Variants in DPY19L3 observed in about 807,000 individuals in gnomAD.
The protein encoded by DPY19L3 is dpy-19 like C-mannosyltransferase 3, also known as protein C-mannosyl-transferase DPY19L3.
A neutral mutation model predicts 92.3 loss-of-function variants in DPY19L3; 51 were observed. That is an observed-to-expected ratio of 0.55 (90% CI 0.44 to 0.70). The LOEUF is 0.70. DPY19L3 is among the 30% of genes least tolerant of loss of function. DPY19L3 has a pLI of 0.00. For synonymous variants in DPY19L3, 309 were observed against 315.2 expected (o/e 0.98, Z 0.21); for missense variants, 706 against 855.9 (o/e 0.82, Z 2.18).
intron 15 of DPY19L3, among the ~76,000 whole-genome samples, chr19:32,467,302 TATTC>T (rs1202337182): frequency 2.6e-5 from 4 of 152,218 alleles, no homozygotes; most frequent in East Asian, 3.8e-4. Context: ...AAATATCTAA[TATTC>T]ATTGAGTTCA....
rs566295429 is a variant in DPY19L3 at position 32,467,543 on chromosome 19, A to G, written c.1615-1188A>G. ...CTGATTCACCCACCCAGGAGACAAG[A>G]TTTGAATGAGCAGTAAAAATGGCCA... On this transcript the variant is annotated intron_variant, in intron 15 of 18. Transcript: ENST00000392250. The G allele has an allele frequency of 4.1e-6, 4 of 987,638 alleles. No individual in the cohort carries two copies. The African/African-American group carries it at 7.0e-5, about 17-fold the overall frequency. The allele number at this position is 987,638 out of a possible 1,614,324, so 61.2% of individuals were successfully genotyped here.
chr19:32,468,888 G>A (rs1970272581), intron 16 of DPY19L3, 75 bp downstream of exon 16: 1 of 1,424,160 alleles, frequency 7.0e-7, no homozygotes, highest in South Asian at 1.4e-5. Flanking sequence ...TTCGTTTTGG[G>A]GGTTTTTTGT....
chr19:32,425,763 G>A (rs1968740381), intron 3 of DPY19L3, among the ~76,000 whole-genome samples: 1 of 152,006 alleles, frequency 6.6e-6, no homozygotes, highest in Middle Eastern at 3.2e-3. Context: ...GTCAACACAT[G>A]GGCTGTCATC....
intron 9 of DPY19L3, among the ~76,000 whole-genome samples, chr19:32,454,119 T>G (rs1296412857): frequency 1.3e-5 from 2 of 152,332 alleles, no homozygotes; most frequent in Non-Finnish European, 2.9e-5. Flanking sequence ...TTACTCGTAT[T>G]TGAACTGTTA....
intron 17 of DPY19L3, 46 bp downstream of exon 17, chr19:32,477,700 G>A (rs774713760): frequency 6.2e-7 from 1 of 1,610,454 alleles, no homozygotes; most frequent in East Asian, 2.2e-5. Flanking sequence ...GGCCAGCTAT[G>A]GGCTGCGTGT....
At chr19:32,455,312 G>A (rs549612002) in intron 10 of DPY19L3, among the ~76,000 whole-genome samples, 4 of 152,018 alleles carry the variant, frequency 2.6e-5, no homozygotes, top group South Asian at 2.1e-4. Context: ...GTGTATTAAC[G>A]TGACTCAAGA....
At chr19:32,464,649 CA>C in intron 14 of DPY19L3, 78 bp from the exon 15 acceptor site, 1 of 876,696 alleles carries the variant, frequency 1.1e-6, no homozygotes, top group Non-Finnish European at 1.7e-6. Flanking sequence ...CCAGCCTAGG[CA>C]AACATAGCAA....
At chr19:32,464,819 T>C (rs1171926872) in intron 15 of DPY19L3, 35 bp downstream of exon 15, 1 of 1,372,638 alleles carries the variant, frequency 7.3e-7, no homozygotes, top group Non-Finnish European at 9.9e-7. Context: ...GTCATTCATG[T>C]ATTTAGCAGA....
At chr19:32,417,405 C>T (rs755794893) in intron 3 of DPY19L3, among the ~76,000 whole-genome samples, 8 of 152,194 alleles carry the variant, frequency 5.3e-5, no homozygotes, top group Non-Finnish European at 1.0e-4. Flanking sequence ...CTGCAGCCTC[C>T]GCCTCCTGAG....
chr19:32,463,081 A>AG (rs756773874), intron 12 of DPY19L3, among the ~76,000 whole-genome samples: 2 of 96,586 alleles, frequency 2.1e-5, no homozygotes, highest in African/African-American at 7.0e-5. Context: ...AAAAAATTTG[A>AG]GTTTTTTTTT....
intron 8 of DPY19L3, among the ~76,000 whole-genome samples, chr19:32,449,664 A>C (rs1430415095): frequency 1.3e-5 from 2 of 152,198 alleles, no homozygotes; most frequent in African/African-American, 4.8e-5. Flanking sequence ...AGATAACTAA[A>C]TGGAGAATTA....
At chr19:32,410,480 A>T (rs1483421906) in intron 2 of DPY19L3, among the ~76,000 whole-genome samples, 1 of 152,194 alleles carries the variant, frequency 6.6e-6, no homozygotes, top group African/African-American at 2.4e-5. Flanking sequence ...GGTTTAAAAA[A>T]AAAGTTTTAG....
At chr19:32,453,014 T>C (rs1281716575) in intron 8 of DPY19L3, 131 bp from the exon 9 acceptor site, 1 of 1,110,782 alleles carries the variant, frequency 9.0e-7, no homozygotes, top group Non-Finnish European at 1.3e-6. Context: ...GCCTAGATTG[T>C]GTTTCTTGAA....
chr19:32,443,712 A>G (rs1252264492), intron 8 of DPY19L3, among the ~76,000 whole-genome samples: 1 of 152,230 alleles, frequency 6.6e-6, no homozygotes, highest in East Asian at 1.9e-4. Context: ...GCCTGCTAAC[A>G]TGGCAGATTT....
At chr19:32,478,530 G>T (rs1568364003) in intron 17 of DPY19L3, among the ~76,000 whole-genome samples, 3 of 152,188 alleles carry the variant, frequency 2.0e-5, no homozygotes, top group Non-Finnish European at 4.4e-5. Flanking sequence ...CATTATTGCA[G>T]TTCTTAGTTC....
chr19:32,464,934 G>A, intron 15 of DPY19L3, 150 bp downstream of exon 15: 1 of 403,638 alleles, frequency 2.5e-6, no homozygotes, highest in Non-Finnish European at 4.4e-6. Context: ...GACATTGATG[G>A]GAAAATGGAT....
chr19:32,415,654 A>T (rs1968354874), intron 3 of DPY19L3, among the ~76,000 whole-genome samples: 1 of 152,190 alleles, frequency 6.6e-6, no homozygotes, highest in South Asian at 2.1e-4. Flanking sequence ...GGGAGAGCAA[A>T]ACTAAAGTCA....
Position 32,457,837 on chromosome 19 carries a change from AC to A in DPY19L3, c.1090-261del, listed in dbSNP as rs755035760. On this transcript the variant is annotated intron_variant, in intron 10 of 18. Coordinates refer to ENST00000392250, the MANE Select transcript of DPY19L3 (RefSeq NM_001172774.2). ...CTGAAACCAAAAAATCTCATCTTTTACCTATTTTGCATATTTAACTTATGTA... is the reference window on the plus strand; with the variant it reads ...CTGAAACCAAAAAATCTCATCTTTTACTATTTTGCATATTTAACTTATGTA... Among the ~76,000 whole-genome samples, 9 of 152,244 alleles carry A rather than the reference AC, an allele frequency of 5.9e-5. No homozygotes were observed. In the East Asian group the frequency reaches 1.5e-3, roughly 26 times the overall value.
chr19:32,409,934 C>G lies in DPY19L3; in HGVS notation c.104-1305C>G, dbSNP rs185125372. Among the ~76,000 whole-genome samples the G allele has an allele frequency of 3.9e-5, 6 of 152,264 alleles. No individual in the cohort carries two copies. The East Asian group carries it at 7.7e-4, about 20-fold the overall frequency. Reference sequence around the variant, plus strand: ...GATTTGGAGGGGCCGAATAGTCAAACCACAGCAGGGTACATGCCTAGATTG... The same window carrying G: ...GATTTGGAGGGGCCGAATAGTCAAAGCACAGCAGGGTACATGCCTAGATTG... On this transcript the variant is annotated intron_variant, in intron 2 of 18. Coordinates refer to ENST00000392250, the MANE Select transcript of DPY19L3 (RefSeq NM_001172774.2).
Sources: allele counts gnomAD v4.1 joint callset (sites outside exome capture counted in the v4.1 genomes callset), GRCh38; gene constraint gnomAD v4.1.1; transcripts MANE v1.5; gene names NCBI Gene and HGNC (gene_info 2026-07-23, HGNC 2026-07-21).